CACNG3: variants seen among roughly 807,000 people sequenced by gnomAD.
The protein encoded by CACNG3 is calcium voltage-gated channel auxiliary subunit gamma 3.
Under a neutral mutation model 28.5 loss-of-function variants are expected in CACNG3, and 3 were observed. The observed-to-expected ratio is 0.11, with a 90% confidence interval of 0.05 to 0.27. CACNG3 has a LOEUF of 0.27. Ranked by LOEUF, CACNG3 falls within the 10% of genes least tolerant of loss-of-function variation. The probability of loss-of-function intolerance (pLI) is 1.00; values close to 1 mark genes in which losing one functional copy is unlikely to be tolerated. For missense variants in CACNG3, 236 were observed against 414.4 expected, an observed-to-expected ratio of 0.57 and a Z score of 3.74; for synonymous variants, 174 against 162.2, an observed-to-expected ratio of 1.07 and a Z score of -0.55.
intron 1 of CACNG3, among the ~76,000 whole-genome samples, chr16:24,268,823 A>G (rs1445546520): frequency 6.6e-6 from 1 of 152,168 alleles, no homozygotes; most frequent in East Asian, 1.9e-4. Context: ...CTTCCTGAGG[A>G]GTAAACTTGA....
intron 1 of CACNG3, among the ~76,000 whole-genome samples, chr16:24,320,337 C>T (rs570937346): frequency 1.3e-5 from 2 of 152,298 alleles, no homozygotes; most frequent in Non-Finnish European, 2.9e-5. Context: ...TGCAGCAAAA[C>T]TTAGAAATAA....
At chr16:24,269,610 G>C (rs983496380) in intron 1 of CACNG3, among the ~76,000 whole-genome samples, 1 of 152,046 alleles carries the variant, frequency 6.6e-6, no homozygotes, top group African/African-American at 2.4e-5. Flanking sequence ...AGCCCAGTGT[G>C]GTGGTGGGCA....
intron 2 of CACNG3, among the ~76,000 whole-genome samples, chr16:24,351,599 G>GGAAGGT (rs1899940233): frequency 8.5e-6 from 1 of 118,264 alleles, no homozygotes; most frequent in African/African-American, 3.5e-5. Context: ...AAGGGGAAGG[G>GGAAGGT]GAAGGGGAAG....
In CACNG3 at chr16:24,286,407, G is replaced by GAC. The variant is rs34888406; in HGVS notation, c.211+29468_211+29469dup. On this transcript the variant is annotated intron_variant, in intron 1 of 3. Coordinates refer to ENST00000005284, the MANE Select transcript of CACNG3 (RefSeq NM_006539.4). Reference sequence around the variant, plus strand: ...CAAATGTCTTGATTATTAAATGAAGGACACACACACACACACACACACACA... The same window carrying GAC: ...CAAATGTCTTGATTATTAAATGAAGGACACACACACACACACACACACACACA... Among the ~76,000 whole-genome samples the GAC allele has an allele frequency of 3.6e-3, 493 of 136,482 alleles. 2 individuals carry two copies. Among genetic ancestry groups the GAC allele is most frequent in the African/African-American group, 8.4e-3 (319 of 38,130 alleles). The allele number at this position is 136,482 out of a possible 152,430, so 89.5% of individuals were successfully genotyped here.
At chr16:24,353,858 G>A (rs1899992919) in intron 2 of CACNG3, among the ~76,000 whole-genome samples, 1 of 152,052 alleles carries the variant, frequency 6.6e-6, no homozygotes, top group Admixed American at 6.5e-5. Flanking sequence ...TGTATACAGG[G>A]CTGGCTGCGT....
chr16:24,325,495 G>A (rs1007297208), intron 1 of CACNG3, among the ~76,000 whole-genome samples: 24 of 152,214 alleles, frequency 1.6e-4, no homozygotes, highest in African/African-American at 5.1e-4. Context: ...CCAGACCCCA[G>A]TGCTGGCGTA....
intron 1 of CACNG3, among the ~76,000 whole-genome samples, chr16:24,281,842 T>C (rs933070504): frequency 5.3e-5 from 8 of 152,208 alleles, no homozygotes; most frequent in South Asian, 2.1e-4. Context: ...TCTTTTAACG[T>C]TGAGGAAAAC....
At chr16:24,268,660 C>CT (rs1898645708) in intron 1 of CACNG3, among the ~76,000 whole-genome samples, 1 of 152,124 alleles carries the variant, frequency 6.6e-6, no homozygotes, top group Non-Finnish European at 1.5e-5. Flanking sequence ...GTAAATTTTT[C>CT]TTTAAAAAAG....
chr16:24,325,561 G>T (rs112945208), intron 1 of CACNG3, among the ~76,000 whole-genome samples: 1 of 152,238 alleles, frequency 6.6e-6, no homozygotes, highest in Non-Finnish European at 1.5e-5. Flanking sequence ...CGAGCTCTGC[G>T]GCTGGGAGAA....
intron 2 of CACNG3, 69 bp from the exon 3 acceptor site, chr16:24,354,764 G>C: frequency 2.0e-6 from 3 of 1,525,294 alleles, no homozygotes; most frequent in Non-Finnish European, 2.7e-6. Context: ...AGGCACTCCT[G>C]CGCTTGCAAT....
intron 1 of CACNG3, among the ~76,000 whole-genome samples, chr16:24,337,606 C>G (rs1311309254): frequency 6.6e-6 from 1 of 151,770 alleles, no homozygotes; most frequent in Non-Finnish European, 1.5e-5. Context: ...AGCTTGAGCT[C>G]AAGAGTTTGA....
intron 1 of CACNG3, among the ~76,000 whole-genome samples, chr16:24,268,415 GGTGGGT>G (rs1339818434): frequency 4.6e-5 from 7 of 152,150 alleles, no homozygotes; most frequent in Admixed American, 3.3e-4. Context: ...GACCTGGGCT[GGTGGGT>G]TGGGTCTCCT....
intron 1 of CACNG3, among the ~76,000 whole-genome samples, chr16:24,292,275 C>T (rs780961490): frequency 2.0e-4 from 31 of 152,116 alleles, no homozygotes; most frequent in Non-Finnish European, 4.3e-4. Flanking sequence ...AGCAGGAATC[C>T]CTGTGTTGAG....
intron 1 of CACNG3, among the ~76,000 whole-genome samples, chr16:24,310,481 T>C (rs11647896): frequency 0.34 from 51,693 of 151,990 alleles, 9,597 homozygotes; most frequent in South Asian, 0.48. Flanking sequence ...GGAGAATCTC[T>C]TGAGCCCAAG....
chr16:24,339,118 C>G (rs566116280), intron 1 of CACNG3, among the ~76,000 whole-genome samples: 1 of 152,132 alleles, frequency 6.6e-6, no homozygotes, highest in African/African-American at 2.4e-5. Context: ...TCCCTCCATA[C>G]TGTTTTAATT....
chr16:24,353,449 C>G (rs1899985630), intron 2 of CACNG3, among the ~76,000 whole-genome samples: 1 of 152,222 alleles, frequency 6.6e-6, no homozygotes, highest in Admixed American at 6.5e-5. Flanking sequence ...AGAAAATACT[C>G]TTATACTGGA....
chr16:24,324,969 T>C (rs1899521573), intron 1 of CACNG3, among the ~76,000 whole-genome samples: 1 of 152,142 alleles, frequency 6.6e-6, no homozygotes, highest in African/African-American at 2.4e-5. Flanking sequence ...CCCCTTATGT[T>C]GAGGGTCTTT....
chr16:24,349,694 TC>T (rs1899915473), intron 2 of CACNG3, among the ~76,000 whole-genome samples: 1 of 152,182 alleles, frequency 6.6e-6, no homozygotes, highest in South Asian at 2.1e-4. Flanking sequence ...TTCATCACCA[TC>T]TTGGTTTTGG....
chr16:24,286,333 T>G (rs1028107185), intron 1 of CACNG3, among the ~76,000 whole-genome samples: 4 of 151,896 alleles, frequency 2.6e-5, no homozygotes, highest in Admixed American at 6.6e-5. Context: ...TAATAGATAT[T>G]GACAGGTTAT....
Sources: allele counts gnomAD v4.1 joint callset (sites outside exome capture counted in the v4.1 genomes callset), GRCh38; gene constraint gnomAD v4.1.1; transcripts MANE v1.5; gene names NCBI Gene and HGNC (gene_info 2026-07-23, HGNC 2026-07-21).